Variants in GRIP1 observed in about 807,000 individuals in gnomAD.
The protein encoded by GRIP1 is glutamate receptor-interacting protein 1.
GRIP1 carries 45 observed loss-of-function variants against 129.9 expected under a neutral mutation model. The ratio of observed to expected loss-of-function variants is 0.35; its 90% CI spans 0.27 to 0.44. The LOEUF (loss-of-function observed/expected upper bound fraction) is 0.44, where lower values mean the gene tolerates loss of function less well. Ranked by LOEUF, GRIP1 falls within the 20% of genes least tolerant of loss-of-function variation. GRIP1 has a pLI of 1.00. For missense variants in GRIP1, 1,196 were observed against 1,396.8 expected (o/e 0.86, Z 2.29); for synonymous variants, 530 against 520.8 (o/e 1.02, Z -0.24).
chr12:66,970,002 G>C (rs1001245219), intron 1 of GRIP1, among the ~76,000 whole-genome samples: 37 of 152,266 alleles, frequency 2.4e-4, no homozygotes, highest in Admixed American at 1.1e-3. Flanking sequence ...TTCCCTGTGT[G>C]ATAATTCCAA....
intron 1 of GRIP1, among the ~76,000 whole-genome samples, chr12:66,960,573 G>A (rs1440001821): frequency 6.6e-6 from 1 of 152,134 alleles, no homozygotes; most frequent in Non-Finnish European, 1.5e-5. Context: ...TTAACATATA[G>A]GTCATAATTA....
intron 2 of GRIP1, among the ~76,000 whole-genome samples, chr12:66,578,526 C>T (rs1450844320): frequency 1.3e-5 from 2 of 152,154 alleles, no homozygotes; most frequent in Non-Finnish European, 1.5e-5. Flanking sequence ...TGACAGAGGG[C>T]ACCTGGAAAA....
At chr12:66,683,767 C>A (rs184735137), upstream of GRIP1, among the ~76,000 whole-genome samples, 1 of 152,164 alleles carries the variant, frequency 6.6e-6, no homozygotes, top group African/African-American at 2.4e-5. Context: ...GTGAAGGTAA[C>A]AACCTTAGAA....
chr12:67,051,398 G>C (rs2043344695), intron 1 of GRIP1, among the ~76,000 whole-genome samples: 1 of 152,126 alleles, frequency 6.6e-6, no homozygotes. Flanking sequence ...GAATTAACTA[G>C]CACCATGTTC....
chr12:66,760,224 G>A (rs772271101), intron 1 of GRIP1, among the ~76,000 whole-genome samples: 28 of 151,990 alleles, frequency 1.8e-4, no homozygotes, highest in Non-Finnish European at 3.8e-4. Context: ...ACATTTTCCT[G>A]TCTTCTTCTG....
chr12:67,005,494 A>G (rs1387137565), intron 1 of GRIP1, among the ~76,000 whole-genome samples: 1 of 152,206 alleles, frequency 6.6e-6, no homozygotes, highest in African/African-American at 2.4e-5. Context: ...ACAACTCACA[A>G]AAATCTTAAG....
intron 1 of GRIP1, among the ~76,000 whole-genome samples, chr12:66,908,405 C>G (rs1284589891): frequency 6.6e-6 from 1 of 152,146 alleles, no homozygotes; most frequent in African/African-American, 2.4e-5. Context: ...AGGAGGCACC[C>G]CTTTCTACAG....
At chr12:66,391,728 A>T (rs1256106206) in intron 19 of GRIP1, among the ~76,000 whole-genome samples, 1 of 152,176 alleles carries the variant, frequency 6.6e-6, no homozygotes, top group Non-Finnish European at 1.5e-5. Context: ...GTGTGTGCAC[A>T]TAGTCTCAGC....
At chr12:66,770,346 C>G (rs568389674) in intron 1 of GRIP1, among the ~76,000 whole-genome samples, 194 of 152,234 alleles carry the variant, frequency 1.3e-3, no homozygotes, top group African/African-American at 4.5e-3. Flanking sequence ...AGTGCATGGA[C>G]AGAGTATAAT....
intron 1 of GRIP1, among the ~76,000 whole-genome samples, chr12:66,845,546 A>G (rs2039798728): frequency 6.6e-6 from 1 of 152,170 alleles, no homozygotes; most frequent in East Asian, 1.9e-4. Context: ...TTCTATTTAA[A>G]TCATTTTAAA....
At chr12:66,932,506 G>C (rs1170696959) in intron 1 of GRIP1, among the ~76,000 whole-genome samples, 1 of 151,912 alleles carries the variant, frequency 6.6e-6, no homozygotes, top group Non-Finnish European at 1.5e-5. Context: ...GCTCCTCTGT[G>C]CCAGGCTCTG....
chr12:66,451,383 G>GTTTGTTTTTTTTTTTTTTT (rs2058794233), intron 11 of GRIP1, among the ~76,000 whole-genome samples: 2 of 42,650 alleles, frequency 4.7e-5, no homozygotes, highest in Non-Finnish European at 4.2e-5. Context: ...ATTATAATCT[G>GTTTGTTTTTTTTTTTTTTT]TTTTTTTTTT....
chr12:66,426,923 G>A (rs2058005612), intron 14 of GRIP1, among the ~76,000 whole-genome samples: 1 of 152,164 alleles, frequency 6.6e-6, no homozygotes, highest in Non-Finnish European at 1.5e-5. Flanking sequence ...GCATTCAGCT[G>A]TGTGCTCTCA....
chr12:66,627,916 C>T (rs73325171), intron 1 of GRIP1, among the ~76,000 whole-genome samples: 3,325 of 152,046 alleles, frequency 0.022, 146 homozygotes, highest in African/African-American at 0.076. Context: ...CCTGAGAGGG[C>T]TGGAGAGCAG....
At position 66,444,516 on chromosome 12, in the gene GRIP1, A is replaced by G. The variant is rs528892044; in HGVS notation, c.1687+68T>C. The G allele has an allele frequency of 1.8e-5, 19 of 1,057,698 alleles. No homozygotes were observed. In the African/African-American group the frequency reaches 3.1e-4, roughly 17 times the overall value. The allele number at this position is 1,057,698 out of a possible 1,614,324, so 65.5% of individuals were successfully genotyped here. ...TCAAAAAAAAAAAAAAAAAAAAAATAGTTTCCTCTCTGCCACATAACCAAT... is the reference window on the plus strand; with the variant it reads ...TCAAAAAAAAAAAAAAAAAAAAAATGGTTTCCTCTCTGCCACATAACCAAT... On this transcript the variant is annotated intron_variant, in intron 13 of 24. Coordinates refer to ENST00000359742, the MANE Select transcript of GRIP1 (RefSeq NM_001366722.1).
At chr12:66,363,818 T>C (rs1389215324) in intron 23 of GRIP1, among the ~76,000 whole-genome samples, 2 of 152,134 alleles carry the variant, frequency 1.3e-5, no homozygotes, top group Non-Finnish European at 2.9e-5. Flanking sequence ...GAATGGTGGT[T>C]ACTAGAGGCT....
intron 1 of GRIP1, among the ~76,000 whole-genome samples, chr12:66,622,042 T>C (rs890649961): frequency 1.8e-4 from 27 of 152,206 alleles, no homozygotes; most frequent in Non-Finnish European, 1.5e-5. Flanking sequence ...ATTCCATGGG[T>C]TGCCTTTTCA....
chr12:66,742,419 G>C (rs1011487379), intron 1 of GRIP1, among the ~76,000 whole-genome samples: 3 of 152,104 alleles, frequency 2.0e-5, no homozygotes, highest in African/African-American at 7.2e-5. Flanking sequence ...CACCCACAAG[G>C]GCATCCTGAC....
intron 2 of GRIP1, among the ~76,000 whole-genome samples, chr12:66,593,016 G>A (rs549340469): frequency 3.3e-5 from 5 of 152,022 alleles, no homozygotes; most frequent in Non-Finnish European, 5.9e-5. Flanking sequence ...CAAATATTAA[G>A]TCTCTAATAC....
Sources: allele counts gnomAD v4.1 joint callset (sites outside exome capture counted in the v4.1 genomes callset), GRCh38; gene constraint gnomAD v4.1.1; transcripts MANE v1.5; gene names NCBI Gene and HGNC (gene_info 2026-07-23, HGNC 2026-07-21).